Variants in MPPED2 observed in about 807,000 individuals in gnomAD.
MPPED2 encodes metallophosphoesterase MPPED2.
In MPPED2, 5 loss-of-function variants were observed where a neutral mutation model predicts 33.0. The observed-to-expected ratio is 0.15, with a 90% CI of 0.08 to 0.32. The LOEUF is 0.32. Ranked by LOEUF, MPPED2 falls within the 10% of genes least tolerant of loss-of-function variation. The pLI is 1.00. For missense variants in MPPED2, 275 were observed against 372.1 expected (o/e 0.74, Z 2.15); for synonymous variants, 136 against 141.9 (o/e 0.96, Z 0.29).
intron 6 of MPPED2, among the ~76,000 whole-genome samples, chr11:30,394,072 G>A (rs1044572053): frequency 2.2e-4 from 34 of 152,142 alleles, no homozygotes; most frequent in African/African-American, 7.0e-4. Flanking sequence ...ATGTCTTTGC[G>A]ATTCATCCAG....
At position 30,411,342 on chromosome 11, in the gene MPPED2, T is replaced by C; in HGVS notation, c.*126A>G. 1 of 1,379,098 alleles carries C rather than the reference T, an allele frequency of 7.3e-7. No individual in the cohort carries two copies. The highest frequency in any genetic ancestry group is 9.5e-7 in the Non-Finnish European group (1 of 1,054,796). The allele number at this position is 1,379,098 out of a possible 1,614,324, so 85.4% of individuals were successfully genotyped here. On this transcript the variant is annotated 3_prime_UTR_variant, in exon 7 of 7. Coordinates refer to ENST00000358117, the MANE Select transcript of MPPED2 (RefSeq NM_001584.3). ...TAAGAAGCACAACCTCTAGCATCAT[T>C]TGTGTTCCAACAATTTACAAAAAGA...
At chr11:30,449,693 T>G (rs894344443) in intron 4 of MPPED2, among the ~76,000 whole-genome samples, 1 of 152,170 alleles carries the variant, frequency 6.6e-6, no homozygotes, top group Non-Finnish European at 1.5e-5. Flanking sequence ...GTTCTCCCCT[T>G]TTCTGCCTAA....
At chr11:30,451,005 T>A (rs1950034881) in intron 4 of MPPED2, among the ~76,000 whole-genome samples, 1 of 152,214 alleles carries the variant, frequency 6.6e-6, no homozygotes, top group African/African-American at 2.4e-5. Context: ...GGAAATAATC[T>A]GTGAGCACAA....
intron 2 of MPPED2, among the ~76,000 whole-genome samples, chr11:30,577,085 G>A (rs1028828695): frequency 6.6e-6 from 1 of 152,082 alleles, no homozygotes; most frequent in African/African-American, 2.4e-5. Flanking sequence ...TAATAGCATC[G>A]CCTTGCAAAT....
At chr11:30,473,496 C>T (rs1951040064) in intron 4 of MPPED2, among the ~76,000 whole-genome samples, 1 of 152,188 alleles carries the variant, frequency 6.6e-6, no homozygotes, top group Non-Finnish European at 1.5e-5. Context: ...TCTGTTGCCA[C>T]TGCCACTATG....
rs546602440 is a variant in MPPED2, at chr11:30,581,600, A to G, written c.-121-1106T>C. On this transcript the variant is annotated intron_variant, in intron 1 of 6. Transcript: ENST00000358117. ...TCTGAGAATCTTATCTGCTATTTCA[A>G]ATAAAAATATTTAGAATAATAAGAT... Among the ~76,000 whole-genome samples, 21 of 152,336 alleles carry G rather than the reference A, an allele frequency of 1.4e-4. No homozygotes were observed. The South Asian group carries it at 4.1e-3, about 30-fold the overall frequency.
intron 2 of MPPED2, among the ~76,000 whole-genome samples, chr11:30,571,014 G>A (rs1590900835): frequency 6.6e-6 from 1 of 152,146 alleles, no homozygotes; most frequent in African/African-American, 2.4e-5. Context: ...GTAGAGTCCT[G>A]CAGTTTTTTA....
rs539181215 is a variant in MPPED2 at position 30,445,284 on chromosome 11, C to A, written c.537-27651G>T. 2.0e-5 allele frequency among the ~76,000 whole-genome samples: 3 copies of A among 152,276 alleles called. No homozygotes were observed. The East Asian group carries it at 5.8e-4, about 29-fold the overall frequency. On this transcript the variant is annotated intron_variant, in intron 4 of 6. Transcript: ENST00000358117. ...TCTCTTATAAATGGAAAACAAGGCT[C>A]AAAGGGCTAACATGATTTGTTGAAG...
At chr11:30,530,017 G>A (rs1250091499) in intron 3 of MPPED2, among the ~76,000 whole-genome samples, 1 of 152,142 alleles carries the variant, frequency 6.6e-6, no homozygotes, top group Non-Finnish European at 1.5e-5. Flanking sequence ...AAAGTTCATG[G>A]CAATGATGCT....
intron 4 of MPPED2, among the ~76,000 whole-genome samples, chr11:30,441,961 G>T (rs1279860787): frequency 1.3e-5 from 2 of 152,182 alleles, no homozygotes; most frequent in Non-Finnish European, 2.9e-5. Context: ...TATCCTTACA[G>T]CCTAACTCAG....
chr11:30,542,232 A>G (rs1349533002), intron 2 of MPPED2, among the ~76,000 whole-genome samples: 1 of 152,098 alleles, frequency 6.6e-6, no homozygotes, highest in African/African-American at 2.4e-5. Flanking sequence ...TTACAGAAAT[A>G]TTTTTTAGTT....
downstream of MPPED2, among the ~76,000 whole-genome samples, chr11:30,409,166 G>A (rs371498276): frequency 2.3e-4 from 35 of 152,230 alleles, no homozygotes; most frequent in African/African-American, 8.2e-4. Flanking sequence ...ACCTATCTCT[G>A]GGAGGCTTGT....
intron 3 of MPPED2, among the ~76,000 whole-genome samples, chr11:30,525,098 A>G (rs1954093795): frequency 6.6e-6 from 1 of 152,208 alleles, no homozygotes; most frequent in South Asian, 2.1e-4. Context: ...TCTGTGCAAA[A>G]TTGGGCAAGA....
rs1303604678 is a variant in MPPED2 at position 30,394,990 on chromosome 11, T to C, written c.767-6034A>G. Among the ~76,000 whole-genome samples the C allele has an allele frequency of 2.6e-5, 4 of 152,208 alleles. No homozygotes were observed. In the East Asian group the frequency reaches 7.7e-4, roughly 29 times the overall value. On this transcript the variant is annotated intron_variant, in intron 6 of 6. Coordinates refer to the MPPED2 transcript ENST00000448418. ...TCTTTGAATTGTCTTTGCACCTTTTTCAAAAACCAATTCGTCATACTTGTG... is the reference window on the plus strand; with the variant it reads ...TCTTTGAATTGTCTTTGCACCTTTTCCAAAAACCAATTCGTCATACTTGTG...
chr11:30,502,681 T>C (rs1464906372), intron 3 of MPPED2, among the ~76,000 whole-genome samples: 1 of 152,070 alleles, frequency 6.6e-6, no homozygotes, highest in Non-Finnish European at 1.5e-5. Flanking sequence ...AACACCTACA[T>C]GGACTAGGGA....
chr11:30,497,375 G>A (rs1410943995), intron 3 of MPPED2, among the ~76,000 whole-genome samples: 11 of 152,096 alleles, frequency 7.2e-5, no homozygotes, highest in Admixed American at 5.9e-4. Context: ...AGTGCTCCCC[G>A]CCCCAATTCA....
intron 4 of MPPED2, among the ~76,000 whole-genome samples, chr11:30,460,320 C>CT (rs1450367288): frequency 1.3e-5 from 2 of 152,124 alleles, no homozygotes; most frequent in Non-Finnish European, 2.9e-5. Flanking sequence ...GGAGAAAAAC[C>CT]TTTACTGACA....
chr11:30,450,521 A>C lies in MPPED2; in HGVS notation c.537-32888T>G, dbSNP rs141303298. Among the ~76,000 whole-genome samples, 668 of 152,334 alleles carry C rather than the reference A, an allele frequency of 4.4e-3. 2 individuals are homozygous for C. Among genetic ancestry groups the C allele is most frequent in the Middle Eastern group, 6.8e-3 (2 of 294 alleles). On this transcript the variant is annotated intron_variant, in intron 4 of 6. Transcript: ENST00000358117. Reference sequence around the variant, plus strand: ...TGGAGAAGTGAAGTAAACCACTGATAACCAGAATTGAGCAAATGGGGGAAC... The same window carrying C: ...TGGAGAAGTGAAGTAAACCACTGATCACCAGAATTGAGCAAATGGGGGAAC...
intron 3 of MPPED2, 25 bp downstream of exon 3, chr11:30,535,969 C>A: frequency 6.4e-7 from 1 of 1,557,740 alleles, no homozygotes; most frequent in South Asian, 1.2e-5. Context: ...TTAATTGGGG[C>A]CGCCAGAACG....
Sources: allele counts gnomAD v4.1 joint callset (sites outside exome capture counted in the v4.1 genomes callset), GRCh38; gene constraint gnomAD v4.1.1; transcripts MANE v1.5; gene names NCBI Gene and HGNC (gene_info 2026-07-23, HGNC 2026-07-21).